The following COLEC11 variants were observed in gnomAD, a reference collection of about 807,000 sequenced individuals.
The protein encoded by COLEC11 is collectin subfamily member 11.
In COLEC11, 20 loss-of-function variants were observed where a neutral mutation model predicts 27.3. The observed-to-expected ratio is 0.73, with a 90% CI of 0.51 to 1.06. COLEC11 has a LOEUF of 1.06. COLEC11 is among the 50% of genes least tolerant of loss of function. The pLI is 0.00. For missense variants in COLEC11, 310 were observed against 383.0 expected (o/e 0.81, Z 1.59); for synonymous variants, 163 against 154.7 (o/e 1.05, Z -0.40).
intron 3 of COLEC11, among the ~76,000 whole-genome samples, chr2:3,624,502 G>A (rs1664391915): frequency 6.6e-6 from 1 of 152,140 alleles, no homozygotes; most frequent in Non-Finnish European, 1.5e-5. Flanking sequence ...TTTTTGGGCA[G>A]CATCCTGCAT....
At chr2:3,619,382 G>C (rs778804356) in intron 3 of COLEC11, among the ~76,000 whole-genome samples, 1 of 152,190 alleles carries the variant, frequency 6.6e-6, no homozygotes, top group Admixed American at 6.5e-5. Flanking sequence ...CTTTTCACCA[G>C]TGAGTATGAT....
Position 3,643,939 on chromosome 2 carries a change from G to A in COLEC11, c.637G>A (p.Ala213Thr), listed in dbSNP as rs749339651. The A allele has an allele frequency of 1.1e-5, 18 of 1,614,040 alleles. No individual in the cohort carries two copies. Among genetic ancestry groups the A allele is most frequent in the African/African-American group, 5.3e-5 (4 of 74,954 alleles). ...CATCAACGACCTGGAGAAGGAGGGC[G>A]CCTTCGTGTACTCTGACCACTCCCC... is the stretch of plus-strand genomic sequence containing the variant. ...IGINDLEKEGAFVYSDHSPMR... is the reference protein window; with the variant it reads ...IGINDLEKEGTFVYSDHSPMR... The change falls in exon 7 of 7, where the codon GCC becomes ACC. Residue 213 changes from alanine to threonine, a missense_variant. Ala to Thr is a moderately conservative substitution (Grantham distance 58, BLOSUM62 0). Transcript: ENST00000349077.
chr2:3,617,172 C>G (rs1327043671), intron 3 of COLEC11, among the ~76,000 whole-genome samples: 1 of 150,534 alleles, frequency 6.6e-6, no homozygotes, highest in African/African-American at 2.4e-5. Flanking sequence ...TTTTTATTTG[C>G]ATATTTAAAA....
intron 3 of COLEC11, among the ~76,000 whole-genome samples, chr2:3,616,285 G>A (rs1443892297): frequency 3.3e-4 from 48 of 147,162 alleles, no homozygotes; most frequent in African/African-American, 1.1e-3. Flanking sequence ...CTGGGCAGCC[G>A]GGCAGAGGGG....
At chr2:3,629,603 T>G (rs1664821290) in intron 3 of COLEC11, among the ~76,000 whole-genome samples, 1 of 152,236 alleles carries the variant, frequency 6.6e-6, no homozygotes, top group South Asian at 2.1e-4. Flanking sequence ...CCTGTGTGTA[T>G]GTGCATATGA....
chr2:3,636,032 C>T (rs1326986066), intron 3 of COLEC11, among the ~76,000 whole-genome samples: 4 of 152,228 alleles, frequency 2.6e-5, no homozygotes, highest in African/African-American at 7.2e-5. Context: ...TCTGTCTATT[C>T]TGAATTGGGG....
chr2:3,613,481 A>G (rs1663401402), intron 3 of COLEC11, 99 bp downstream of exon 3: 2 of 1,276,736 alleles, frequency 1.6e-6, no homozygotes, highest in Non-Finnish European at 1.1e-6. Context: ...TCCAGAGAGG[A>G]CAGGCCCTGC....
At chr2:3,613,203 C>A (rs1663365357) in intron 2 of COLEC11, 108 bp from the exon 3 acceptor site, 1 of 1,252,672 alleles carries the variant, frequency 8.0e-7, no homozygotes, top group African/African-American at 1.5e-5. Context: ...GGCTTGGCCA[C>A]CTGCAGGGAC....
intron 3 of COLEC11, among the ~76,000 whole-genome samples, chr2:3,631,734 A>T (rs967800002): frequency 6.7e-6 from 1 of 149,826 alleles, no homozygotes; most frequent in South Asian, 2.1e-4. Flanking sequence ...CTCGGAGGGG[A>T]CTCTGCTCGG....
In COLEC11 at chr2:3,643,481, C is replaced by T. The variant is rs34436491; in HGVS notation, c.366C>T (p.Ile122=). The change falls in exon 6 of 7, where the codon ATC becomes ATT. Residue 122 remains isoleucine (I), a synonymous_variant. Transcript: ENST00000349077. ...PCECSQLRKA[I]GEMDNQVSQL... is the part of the protein sequence containing the mutation. ...AGTGCAGCCAGCTGCGCAAGGCCAT[C>T]GGGGAGATGGACAACCAGGTCTCTC... 12,356 of 1,613,848 alleles carry T rather than the reference C, an allele frequency of 7.7e-3. 300 individuals are homozygous for T. The African/African-American group carries it at 0.081, about 11-fold the overall frequency.
At chr2:3,605,058 G>A (rs1011853563) in intron 2 of COLEC11, 3 of 471,028 alleles carry the variant, frequency 6.4e-6, no homozygotes, top group East Asian at 7.0e-5. Flanking sequence ...TGAGGCTGCG[G>A]TATCTGAAGC....
At chr2:3,640,665 C>G (rs1434832876) in intron 5 of COLEC11, among the ~76,000 whole-genome samples, 1 of 47,622 alleles carries the variant, frequency 2.1e-5, no homozygotes, top group Non-Finnish European at 3.2e-5. Context: ...ACAGCGGACA[C>G]CCACCCCCGT....
chr2:3,625,252 G>A (rs1251279768), intron 3 of COLEC11, among the ~76,000 whole-genome samples: 1 of 152,166 alleles, frequency 6.6e-6, no homozygotes, highest in Non-Finnish European at 1.5e-5. Context: ...CCCCACTGAT[G>A]TTCAGGTGTA....
intron 5 of COLEC11, chr2:3,641,225 T>G: frequency 7.7e-7 from 1 of 1,304,216 alleles, no homozygotes; most frequent in Non-Finnish European, 1.0e-6. Context: ...TGAATAAAAG[T>G]CCTTGTTTTA....
chr2:3,625,462 G>A (rs905727023), intron 3 of COLEC11, among the ~76,000 whole-genome samples: 1 of 152,010 alleles, frequency 6.6e-6, no homozygotes, highest in Non-Finnish European at 1.5e-5. Flanking sequence ...GTAATTCAGG[G>A]TTTCTGAAAT....
intron 5 of COLEC11, 105 bp from the exon 6 acceptor site, chr2:3,643,339 C>T (rs1666009023): frequency 1.1e-6 from 1 of 947,902 alleles, no homozygotes; most frequent in East Asian, 2.4e-5. Context: ...GCCCGTGGGG[C>T]ACGTTTGTTG....
intron 3 of COLEC11, among the ~76,000 whole-genome samples, chr2:3,619,410 C>T (rs998815015): frequency 6.6e-6 from 1 of 152,202 alleles, no homozygotes; most frequent in Non-Finnish European, 1.5e-5. Flanking sequence ...GTGGACTTCT[C>T]ATACATGGCC....
chr2:3,599,404 C>T (rs965780071), intron 1 of COLEC11, among the ~76,000 whole-genome samples: 6 of 152,172 alleles, frequency 3.9e-5, no homozygotes, highest in Non-Finnish European at 8.8e-5. Flanking sequence ...AGGCACTGTG[C>T]GGGGGACAGG....
intron 3 of COLEC11, among the ~76,000 whole-genome samples, chr2:3,633,770 A>G (rs1034985754): frequency 3.3e-4 from 50 of 152,310 alleles, no homozygotes; most frequent in African/African-American, 1.1e-3. Flanking sequence ...GTCTTTGGAC[A>G]GAAGGCCCGA....
Sources: gnomAD v4.1 joint callset for allele counts (sites outside exome capture counted in the v4.1 genomes callset) on GRCh38, gnomAD v4.1.1 for gene constraint, MANE v1.5 for transcripts, NCBI Gene and HGNC (gene_info 2026-07-23, HGNC 2026-07-21) for gene names.